Variants in CHL1 observed in about 807,000 individuals in gnomAD.
The protein encoded by CHL1 is cell adhesion molecule L1 like.
In CHL1, 96 loss-of-function variants were observed where a neutral mutation model predicts 141.9. The ratio of observed to expected loss-of-function variants is 0.68; its 90% CI spans 0.57 to 0.80. CHL1 has a LOEUF of 0.80. CHL1 is among the 30% of genes least tolerant of loss of function. The pLI is 0.00. For synonymous variants in CHL1, 613 were observed against 502.2 expected (o/e 1.22, Z -2.95); for missense variants, 1,820 against 1,457.2 (o/e 1.25, Z -4.05).
Position 361,561 on chromosome 3 carries a change from C to T in CHL1, c.1307-138C>T, listed in dbSNP as rs1348540532. The T allele has an allele frequency of 1.0e-5, 6 of 586,956 alleles. No homozygotes were observed. In the African/African-American group the frequency reaches 1.1e-4, roughly 11 times the overall value. 36.4% of individuals were successfully genotyped at this position (586,956 alleles called of 1,614,324 possible). ...TTCAAAAATGTATTGAATTGGGATA[C>T]TTCTATAATTCAAAACAGACACCAT... On this transcript the variant is annotated intron_variant, in intron 12 of 27. Transcript: ENST00000256509.
Position 396,661 on chromosome 3 carries a change from ATG to A in CHL1, c.3095-1562_3095-1561del, listed in dbSNP as rs200600268. ...TTAAAGAACATTTCTTCACTGTCGT[ATG>A]TGTCAGGAATTTAAAAATGTTTCTT... On this transcript the variant is annotated intron_variant, in intron 24 of 27. Transcript: ENST00000256509. Among the ~76,000 whole-genome samples the A allele has an allele frequency of 6.5e-3, 987 of 152,244 alleles. 7 individuals are homozygous for A. Among genetic ancestry groups the A allele is most frequent in the Non-Finnish European group, 0.011 (772 of 67,992 alleles).
chr3:358,255 T>C (rs534956359), intron 11 of CHL1, among the ~76,000 whole-genome samples: 2 of 152,166 alleles, frequency 1.3e-5, no homozygotes, highest in African/African-American at 4.8e-5. Context: ...CCCACATTCC[T>C]GGCTCCCTTC....
At chr3:301,955 G>A (rs185578457) in intron 2 of CHL1, among the ~76,000 whole-genome samples, 3 of 152,250 alleles carry the variant, frequency 2.0e-5, no homozygotes, top group East Asian at 3.9e-4. Context: ...TTATCCATGT[G>A]TTCTCCTTGT....
In CHL1 at chr3:401,613, T is replaced by C; in HGVS notation, c.3386-13T>C. On this transcript the variant is annotated splice_polypyrimidine_tract_variant and intron_variant, in intron 26 of 27. Transcript: ENST00000256509. ...CACTGTATTACTTTTCCCACTTTTTTTCTCTTTTTTAGTTAAAGAAAAGGA... is the reference window on the plus strand; with the variant it reads ...CACTGTATTACTTTTCCCACTTTTTCTCTCTTTTTTAGTTAAAGAAAAGGA... 6.6e-7 allele frequency: 1 copy of C among 1,521,596 alleles called. No individual in the cohort carries two copies. 94.3% of individuals were successfully genotyped at this position (1,521,596 alleles called of 1,614,324 possible).
At chr3:316,891 T>C (rs1700190505) in intron 2 of CHL1, among the ~76,000 whole-genome samples, 1 of 152,062 alleles carries the variant, frequency 6.6e-6, no homozygotes, top group Admixed American at 6.6e-5. Flanking sequence ...TGCCATTGTT[T>C]CAAGAAAGAT....
intron 2 of CHL1, among the ~76,000 whole-genome samples, chr3:257,670 C>G (rs539941279): frequency 2.6e-5 from 4 of 152,120 alleles, no homozygotes; most frequent in African/African-American, 9.6e-5. Context: ...CATAAAGAGA[C>G]AGCAAACCTC....
At chr3:255,969 T>C (rs584201) in intron 2 of CHL1, among the ~76,000 whole-genome samples, 1 of 152,168 alleles carries the variant, frequency 6.6e-6, no homozygotes. Flanking sequence ...TTACCTTGCC[T>C]ACTTCCACAC....
At chr3:323,246 G>C (rs1165300310) in intron 3 of CHL1, among the ~76,000 whole-genome samples, 3 of 152,084 alleles carry the variant, frequency 2.0e-5, no homozygotes, top group Non-Finnish European at 2.9e-5. Context: ...TTAAATGTGA[G>C]TGTTCAAGAA....
At chr3:199,435 T>A (rs1408818420) in intron 1 of CHL1, among the ~76,000 whole-genome samples, 1 of 152,186 alleles carries the variant, frequency 6.6e-6, no homozygotes, top group Non-Finnish European at 1.5e-5. Context: ...CTATAGATAT[T>A]TATTGATTCC....
intron 1 of CHL1, among the ~76,000 whole-genome samples, chr3:241,221 T>C (rs1692526033): frequency 6.6e-6 from 1 of 152,210 alleles, no homozygotes; most frequent in Non-Finnish European, 1.5e-5. Context: ...GAAATTTATC[T>C]TATAAATAGC....
At chr3:198,194 GGGC>G in intron 1 of CHL1, 1 of 175,898 alleles carries the variant, frequency 5.7e-6, no homozygotes, top group Non-Finnish European at 1.2e-5. Flanking sequence ...CGGCGGCGGA[GGGC>G]AGGTGTGCGT....
chr3:268,701 G>A (rs1240709250), intron 2 of CHL1, among the ~76,000 whole-genome samples: 1 of 152,100 alleles, frequency 6.6e-6, no homozygotes, highest in East Asian at 1.9e-4. Context: ...AACTGAATAA[G>A]AATTAACTTT....
At chr3:398,136 A>T in intron 24 of CHL1, 91 bp from the exon 25 acceptor site, 3 of 745,978 alleles carry the variant, frequency 4.0e-6, no homozygotes, top group Non-Finnish European at 4.0e-6. Context: ...GGTATAAGTG[A>T]CTTTCTTATT....
At chr3:275,971 T>A (rs898478550) in intron 2 of CHL1, among the ~76,000 whole-genome samples, 3 of 152,112 alleles carry the variant, frequency 2.0e-5, no homozygotes, top group Non-Finnish European at 4.4e-5. Context: ...TTTTAACATA[T>A]GAAAAAACTT....
At position 408,801 on chromosome 3, in the gene CHL1, T is replaced by A. The variant is rs989659883; in HGVS notation, c.*3090T>A. On this transcript the variant is annotated 3_prime_UTR_variant, in exon 28 of 28. Transcript: ENST00000256509. ...TTTCCACTAATTTTGCATGCGTATT[T>A]ATAAGAAAAATGTGAATTTGGTGGT... 2 of 152,246 alleles carry A rather than the reference T, an allele frequency of 1.3e-5. No homozygotes were observed. The highest frequency in any genetic ancestry group is 2.1e-4 in the South Asian group (1 of 4,830). The allele number at this position is 152,246 out of a possible 1,614,324, so 9.4% of individuals were successfully genotyped here. A position where few individuals can be genotyped will look rare whatever the true frequency, so the allele number is the denominator to read the frequency against.
At chr3:223,267 A>G (rs1701019588) in intron 1 of CHL1, among the ~76,000 whole-genome samples, 1 of 152,206 alleles carries the variant, frequency 6.6e-6, no homozygotes, top group Non-Finnish European at 1.5e-5. Context: ...ATCTGATATA[A>G]AACAATGATA....
chr3:332,627 G>A (rs146600975), intron 5 of CHL1, among the ~76,000 whole-genome samples: 3 of 152,212 alleles, frequency 2.0e-5, no homozygotes, highest in African/African-American at 7.2e-5. Flanking sequence ...GAGTTACTGA[G>A]ATATTTTAGA....
intron 5 of CHL1, among the ~76,000 whole-genome samples, chr3:330,303 A>G (rs1701334906): frequency 6.6e-6 from 1 of 152,144 alleles, no homozygotes; most frequent in African/African-American, 2.4e-5. Context: ...TGAAAACTCT[A>G]CATAACAAAA....
intron 2 of CHL1, among the ~76,000 whole-genome samples, chr3:264,313 A>C (rs921466400): frequency 3.4e-4 from 52 of 152,214 alleles, no homozygotes; most frequent in Admixed American, 2.8e-3. Context: ...ATTTTAAAGA[A>C]GAATTTATAG....
Sources: gnomAD v4.1 joint callset for allele counts (sites outside exome capture counted in the v4.1 genomes callset) on GRCh38, gnomAD v4.1.1 for gene constraint, MANE v1.5 for transcripts, NCBI Gene and HGNC (gene_info 2026-07-23, HGNC 2026-07-21) for gene names.